The following ADAMTS9 variants were observed in gnomAD, a reference collection of about 807,000 sequenced individuals.
ADAMTS9 encodes ADAM metallopeptidase with thrombospondin type 1 motif 9, also known as A disintegrin and metalloproteinase with thrombospondin motifs 9.
ADAMTS9 carries 107 observed loss-of-function variants against 257.1 expected under a neutral mutation model. The observed-to-expected ratio is 0.42, with a 90% confidence interval of 0.36 to 0.49. The LOEUF (loss-of-function observed/expected upper bound fraction) is 0.49. ADAMTS9 is among the 20% of genes least tolerant of loss of function. The probability of loss-of-function intolerance (pLI) is 0.03; values close to 1 mark genes in which losing one functional copy is unlikely to be tolerated. For missense variants in ADAMTS9, 2,353 were observed against 2,469.1 expected (o/e 0.95, Z 1.00); for synonymous variants, 982 against 880.9 (o/e 1.11, Z -2.03).
At chr3:64,644,232 G>A (rs1226508618) in intron 11 of ADAMTS9, among the ~76,000 whole-genome samples, 2 of 152,208 alleles carry the variant, frequency 1.3e-5, no homozygotes, top group African/African-American at 4.8e-5. Context: ...ACACTACGAA[G>A]TAGGTACTAT....
intron 37 of ADAMTS9, among the ~76,000 whole-genome samples, chr3:64,533,893 G>T (rs1303153884): frequency 6.6e-6 from 1 of 152,164 alleles, no homozygotes; most frequent in South Asian, 2.1e-4. Flanking sequence ...CCTCCCCTCC[G>T]AGGGTGCCTT....
In ADAMTS9 at chr3:64,639,519, T is replaced by C. The variant is rs1401845025; in HGVS notation, c.1856+2329A>G. ...TACGGAGTGATTTATCTCTCTCCAC[T>C]TTTCACATTACTTCTAGAATTGCTC... On this transcript the variant is annotated intron_variant, in intron 12 of 39. Coordinates refer to ENST00000498707, the MANE Select transcript of ADAMTS9 (RefSeq NM_182920.2). 1.6e-4 allele frequency among the ~76,000 whole-genome samples: 24 copies of C among 152,006 alleles called. 1 individual carries two copies. The highest frequency in any genetic ancestry group is 1.6e-3 in the Admixed American group (24 of 15,246).
At chr3:64,573,830 G>A (rs1489489674) in intron 28 of ADAMTS9, among the ~76,000 whole-genome samples, 1 of 152,170 alleles carries the variant, frequency 6.6e-6, no homozygotes, top group African/African-American at 2.4e-5. Context: ...ATGCCAGCCT[G>A]TACCTACTAT....
At chr3:64,611,843 G>A (rs957309524) in intron 22 of ADAMTS9, among the ~76,000 whole-genome samples, 5 of 152,122 alleles carry the variant, frequency 3.3e-5, no homozygotes, top group African/African-American at 1.2e-4. Context: ...TGTATACAAG[G>A]TTTCCTTTTG....
intron 3 of ADAMTS9, among the ~76,000 whole-genome samples, chr3:64,663,508 A>G (rs1701275818): frequency 6.6e-6 from 1 of 151,132 alleles, no homozygotes; most frequent in East Asian, 1.9e-4. Context: ...CAAATGTACT[A>G]TCAGAATCAT....
intron 8 of ADAMTS9, 98 bp from the exon 9 acceptor site, chr3:64,651,261 T>G (rs1370209452): frequency 9.3e-7 from 1 of 1,079,524 alleles, no homozygotes; most frequent in Non-Finnish European, 1.3e-6. Context: ...AGAAAAAAAT[T>G]TAACTTCATT....
At chr3:64,549,008 G>C (rs1163931351) in intron 31 of ADAMTS9, among the ~76,000 whole-genome samples, 2 of 152,206 alleles carry the variant, frequency 1.3e-5, no homozygotes, top group African/African-American at 4.8e-5. Flanking sequence ...AGGTGGAGTA[G>C]AGCTCAGAGA....
chr3:64,638,534 A>G (rs7644990), intron 12 of ADAMTS9, among the ~76,000 whole-genome samples: 87,783 of 152,056 alleles, frequency 0.58, 27,825 homozygotes, highest in African/African-American at 0.86. Flanking sequence ...CAGATAGAAC[A>G]AGGGACTGTC....
At chr3:64,633,446 T>C in intron 14 of ADAMTS9, 26 bp downstream of exon 14, 2 of 1,612,698 alleles carry the variant, frequency 1.2e-6, no homozygotes, top group Non-Finnish European at 1.7e-6. Context: ...GAAAACACAG[T>C]GAAGAAAACA....
intron 3 of ADAMTS9, among the ~76,000 whole-genome samples, chr3:64,676,734 C>G (rs914059681): frequency 2.0e-5 from 3 of 152,174 alleles, no homozygotes; most frequent in Non-Finnish European, 2.9e-5. Context: ...CAACACTGTA[C>G]TGGATCTCGT....
At chr3:64,566,779 T>C (rs1179727927) in intron 29 of ADAMTS9, among the ~76,000 whole-genome samples, 2 of 150,794 alleles carry the variant, frequency 1.3e-5, no homozygotes, top group Non-Finnish European at 3.0e-5. Context: ...TAACAGATCA[T>C]GAAAGTCCAC....
chr3:64,647,064 A>G (rs753947462), intron 11 of ADAMTS9, among the ~76,000 whole-genome samples: 3 of 152,178 alleles, frequency 2.0e-5, no homozygotes, highest in Non-Finnish European at 4.4e-5. Context: ...TAAATTATTA[A>G]AAGTAAGTAA....
chr3:64,547,536 T>C (rs1025049883), intron 31 of ADAMTS9, among the ~76,000 whole-genome samples: 7 of 89,878 alleles, frequency 7.8e-5, no homozygotes, highest in African/African-American at 2.5e-4. Context: ...TTTTTGAGAC[T>C]GTGTCTCACT....
At chr3:64,549,470 A>T (rs1011272545) in intron 31 of ADAMTS9, among the ~76,000 whole-genome samples, 1 of 152,096 alleles carries the variant, frequency 6.6e-6, no homozygotes, top group Non-Finnish European at 1.5e-5. Context: ...CAATATCAAG[A>T]ACTATTCTGA....
In ADAMTS9 at chr3:64,687,679, C is replaced by A; in HGVS notation, c.-22G>T. 1 of 1,474,084 alleles carries A rather than the reference C, an allele frequency of 6.8e-7. No individual in the cohort carries two copies. The highest frequency in any genetic ancestry group is 9.1e-7 in the Non-Finnish European group (1 of 1,096,660). The allele number at this position is 1,474,084 out of a possible 1,614,324, so 91.3% of individuals were successfully genotyped here. ...GCATGGTGCTTCCCACCCCTCCCTC[C>A]GCTGCCCCCACCCCCCTCCCTCCTG... On this transcript the variant is annotated 5_prime_UTR_variant, in exon 1 of 40. Coordinates refer to ENST00000498707, the MANE Select transcript of ADAMTS9 (RefSeq NM_182920.2). This position sits in a 1 kb window ranked among gnomAD's most constrained non-coding sequence, Gnocchi z 4.4.
Position 64,616,309 on chromosome 3 carries a change from G to C in ADAMTS9, c.2814-139C>G, listed in dbSNP as rs917693506. ...ACCATGAAGCCCAAAGCCACAGTCA[G>C]TTGCTAAAATCTAATTTTAAACCAA... On this transcript the variant is annotated intron_variant, in intron 19 of 39. Coordinates refer to ENST00000498707, the MANE Select transcript of ADAMTS9 (RefSeq NM_182920.2). The C allele has an allele frequency of 6.9e-6, 6 of 867,908 alleles. No individual in the cohort carries two copies. The Admixed American group carries it at 1.5e-4, about 22-fold the overall frequency. The allele number at this position is 867,908 out of a possible 1,614,324, so 53.8% of individuals were successfully genotyped here. A position where few individuals can be genotyped will look rare whatever the true frequency, so the allele number is the denominator to read the frequency against.
chr3:64,570,695 CAAAAAAAA>C (rs143048322), intron 28 of ADAMTS9, among the ~76,000 whole-genome samples: 1 of 47,072 alleles, frequency 2.1e-5, no homozygotes, highest in Non-Finnish European at 4.2e-5. Context: ...GACTCCGTCT[CAAAAAAAA>C]AAAAAAAAAA....
intron 38 of ADAMTS9, among the ~76,000 whole-genome samples, chr3:64,526,853 G>A (rs889245340): frequency 2.0e-5 from 3 of 152,134 alleles, no homozygotes; most frequent in African/African-American, 7.2e-5. Flanking sequence ...TGTGCTCAAT[G>A]AATATTAACT....
intron 37 of ADAMTS9, among the ~76,000 whole-genome samples, chr3:64,535,552 C>CTTTTTTTTTTTT (rs57945713): frequency 1.2e-5 from 1 of 84,662 alleles, no homozygotes; most frequent in Admixed American, 1.0e-4. Context: ...CTTTTCTTTT[C>CTTTTTTTTTTTT]TTTTTTTTTT....
Sources: allele counts gnomAD v4.1 joint callset (sites outside exome capture counted in the v4.1 genomes callset), GRCh38; gene constraint gnomAD v4.1.1; non-coding constraint Gnocchi (gnomAD v3.1); transcripts MANE v1.5; gene names NCBI Gene and HGNC (gene_info 2026-07-23, HGNC 2026-07-21).